The following KCNAB1 variants were observed in gnomAD, a reference collection of about 807,000 sequenced individuals.
The protein encoded by KCNAB1 is potassium voltage-gated channel subfamily A regulatory beta subunit 1.
A neutral mutation model predicts 64.6 loss-of-function variants in KCNAB1; 35 were observed. The ratio of observed to expected loss-of-function variants is 0.54; its 90% CI spans 0.41 to 0.72. KCNAB1 has a LOEUF of 0.72. KCNAB1 is among the 30% of genes least tolerant of loss of function. The pLI is 0.00. For missense variants in KCNAB1, 401 were observed against 512.9 expected (o/e 0.78, Z 2.11); for synonymous variants, 177 against 183.8 (o/e 0.96, Z 0.30).
chr3:156,361,446 C>A (rs1416181411), intron 1 of KCNAB1, among the ~76,000 whole-genome samples: 1 of 152,030 alleles, frequency 6.6e-6, no homozygotes, highest in Non-Finnish European at 1.5e-5. Flanking sequence ...ACTTTATCAC[C>A]CCTTGATATG....
chr3:156,149,967 C>G (rs1266601820), intron 1 of KCNAB1, among the ~76,000 whole-genome samples: 2 of 152,102 alleles, frequency 1.3e-5, no homozygotes, highest in Non-Finnish European at 2.9e-5. Context: ...AATCAATAGC[C>G]TAGAAAAATG....
At chr3:156,483,433 A>G (rs2108336346) in intron 8 of KCNAB1, among the ~76,000 whole-genome samples, 1 of 152,198 alleles carries the variant, frequency 6.6e-6, no homozygotes. Context: ...TCGTATGCAT[A>G]TGGATATGTT....
At chr3:156,342,585 C>CTTTTTTTTTTTTTTTTTTTTTTTTTTTTT (rs60982892) in intron 1 of KCNAB1, among the ~76,000 whole-genome samples, 8 of 86,252 alleles carry the variant, frequency 9.3e-5, no homozygotes, top group Admixed American at 1.3e-4. Context: ...CTATGTGTTT[C>CTTTTTTTTTTTTTTTTTTTTTTTTTTTTT]TTTTTTTTTT....
chr3:156,224,691 C>G (rs13085088), intron 1 of KCNAB1, among the ~76,000 whole-genome samples: 1 of 151,710 alleles, frequency 6.6e-6, no homozygotes, highest in Admixed American at 6.6e-5. Context: ...AGAGATTAAC[C>G]GAGAAGAGAG....
chr3:156,177,010 T>A, intron 1 of KCNAB1: 1 of 600,526 alleles, frequency 1.7e-6, no homozygotes, highest in South Asian at 2.1e-5. Context: ...GTGCATAGGG[T>A]CCCTGTAGTG....
At chr3:156,289,230 C>T (rs1161755192) in intron 1 of KCNAB1, among the ~76,000 whole-genome samples, 1 of 152,256 alleles carries the variant, frequency 6.6e-6, no homozygotes, top group Non-Finnish European at 1.5e-5. Context: ...ACTGACAGCA[C>T]TCCACCTCAT....
intron 7 of KCNAB1, among the ~76,000 whole-genome samples, chr3:156,471,091 G>C (rs112194775): frequency 2.8e-4 from 42 of 152,298 alleles, no homozygotes; most frequent in African/African-American, 9.9e-4. Flanking sequence ...AAAAGCAAGT[G>C]CGTGGTAGGT....
At chr3:156,163,175 A>C (rs1007805897) in intron 1 of KCNAB1, among the ~76,000 whole-genome samples, 1 of 152,234 alleles carries the variant, frequency 6.6e-6, no homozygotes, top group Admixed American at 6.5e-5. Context: ...CATTACCCAT[A>C]TCTCAAGTGC....
At chr3:156,481,647 G>A (rs934653263) in intron 8 of KCNAB1, among the ~76,000 whole-genome samples, 4 of 152,164 alleles carry the variant, frequency 2.6e-5, no homozygotes, top group African/African-American at 7.2e-5. Context: ...TCTCAAGTTC[G>A]TCTGTTTAGA....
intron 1 of KCNAB1, chr3:156,143,569 G>GTTTTTTGGTTTTTTTTTTTTTTTTTT (rs1553807969): frequency 3.2e-5 from 9 of 281,608 alleles, no homozygotes; most frequent in South Asian, 1.5e-4. Flanking sequence ...TTGCATTCTT[G>GTTTTTTGGTTTTTTTTTTTTTTTTTT]TTTTTTTTTT....
intron 2 of KCNAB1, among the ~76,000 whole-genome samples, chr3:156,449,237 A>G (rs1711815483): frequency 6.6e-6 from 1 of 152,216 alleles, no homozygotes; most frequent in Non-Finnish European, 1.5e-5. Flanking sequence ...TTATTTCATA[A>G]TTCATTACTG....
chr3:156,376,516 A>G (rs1269403783), intron 1 of KCNAB1, among the ~76,000 whole-genome samples: 1 of 152,202 alleles, frequency 6.6e-6, no homozygotes, highest in Non-Finnish European at 1.5e-5. Context: ...AAAAGCAAGG[A>G]CCAAAAGTCA....
chr3:156,491,033 A>G (rs1210859533), intron 8 of KCNAB1, among the ~76,000 whole-genome samples: 1 of 152,164 alleles, frequency 6.6e-6, no homozygotes, highest in Admixed American at 6.6e-5. Context: ...ACCATGAAGC[A>G]GGCCTTCAAA....
chr3:156,175,941 A>G, intron 1 of KCNAB1: 2 of 963,084 alleles, frequency 2.1e-6, no homozygotes, highest in Non-Finnish European at 3.4e-6. Flanking sequence ...TGATGGAGCC[A>G]GCATGGCCGG....
In KCNAB1 at chr3:156,515,148, G is replaced by T; in HGVS notation, c.793G>T (p.Glu265Ter). ...RQFNMIPPVC[E>*]QAEYHLFQRE... Reference sequence around the variant, plus strand: ...GTTCAATATGATCCCACCGGTCTGTGAACAAGCTGAGTACCATCTTTTCCA... The same window carrying T: ...GTTCAATATGATCCCACCGGTCTGTTAACAAGCTGAGTACCATCTTTTCCA... Residue 265 changes from glutamate to a stop codon, truncating the protein, a stop_gained, in exon 10 of 14, where the codon GAA (glutamate) becomes TAA (stop). Coordinates refer to ENST00000490337, the MANE Select transcript of KCNAB1 (RefSeq NM_172160.3). LOFTEE classifies it high-confidence loss of function. The T allele has an allele frequency of 6.2e-7, 1 of 1,613,496 alleles. No homozygotes were observed. Among genetic ancestry groups the T allele is most frequent in the South Asian group, 1.1e-5 (1 of 91,010 alleles).
intron 1 of KCNAB1, among the ~76,000 whole-genome samples, chr3:156,383,546 G>T (rs1166239903): frequency 6.6e-6 from 1 of 152,036 alleles, no homozygotes; most frequent in Non-Finnish European, 1.5e-5. Flanking sequence ...CTCAGTTCTG[G>T]GCAAACTGGG....
intron 1 of KCNAB1, among the ~76,000 whole-genome samples, chr3:156,241,641 C>A (rs1381836114): frequency 6.6e-6 from 1 of 152,166 alleles, no homozygotes; most frequent in Non-Finnish European, 1.5e-5. Context: ...GGGCTGCGTG[C>A]TTCTGTGGTG....
chr3:156,303,085 C>A (rs536434954), intron 1 of KCNAB1, among the ~76,000 whole-genome samples: 20 of 152,292 alleles, frequency 1.3e-4, no homozygotes, highest in Non-Finnish European at 1.6e-4. Context: ...TTTATTATGA[C>A]ACACATTTTC....
chr3:156,529,108 A>AT (rs1427966636), intron 12 of KCNAB1, among the ~76,000 whole-genome samples: 2 of 152,220 alleles, frequency 1.3e-5, no homozygotes, highest in Non-Finnish European at 2.9e-5. Context: ...CAAAGCAGTC[A>AT]TTGTCAAACT....
Sources: allele counts gnomAD v4.1 joint callset (sites outside exome capture counted in the v4.1 genomes callset), GRCh38; gene constraint gnomAD v4.1.1; transcripts MANE v1.5; gene names NCBI Gene and HGNC (gene_info 2026-07-23, HGNC 2026-07-21).